The following CAMK2D variants were observed in gnomAD, a reference collection of about 807,000 sequenced individuals.
The protein encoded by CAMK2D is calcium/calmodulin-dependent protein kinase type II subunit delta.
In CAMK2D, 37 loss-of-function variants were observed where a neutral mutation model predicts 84.0. The ratio of observed to expected loss-of-function variants is 0.44; its 90% CI spans 0.34 to 0.58. The LOEUF (loss-of-function observed/expected upper bound fraction) is 0.58, where lower values mean the gene tolerates loss of function less well. Ranked by LOEUF, CAMK2D falls within the 20% of genes least tolerant of loss-of-function variation. The pLI is 0.02. For synonymous variants in CAMK2D, 202 were observed against 212.5 expected (o/e 0.95, Z 0.43); for missense variants, 448 against 652.5 (o/e 0.69, Z 3.41).
intron 15 of CAMK2D, among the ~76,000 whole-genome samples, chr4:113,500,826 A>G (rs1007499864): frequency 6.6e-6 from 1 of 152,130 alleles, no homozygotes; most frequent in Non-Finnish European, 1.5e-5. Context: ...ACAGTGCCCT[A>G]TAAGGTTTGC....
At chr4:113,502,867 A>T (rs1454740519) in intron 15 of CAMK2D, 69 bp downstream of exon 15, 2 of 1,095,426 alleles carry the variant, frequency 1.8e-6, no homozygotes, top group East Asian at 2.4e-5. Context: ...TAACGAATTA[A>T]TTTTTTTGAA....
At chr4:113,489,386 G>T (rs555024885) in intron 16 of CAMK2D, among the ~76,000 whole-genome samples, 4 of 98,622 alleles carry the variant, frequency 4.1e-5, no homozygotes, top group African/African-American at 1.4e-4. Context: ...GAGAATATGC[G>T]GTGTTTGGTT....
chr4:113,467,005 T>C (rs1196059756), intron 16 of CAMK2D, among the ~76,000 whole-genome samples: 1 of 152,362 alleles, frequency 6.6e-6, no homozygotes, highest in Admixed American at 6.5e-5. Flanking sequence ...TTTTATGGAA[T>C]AGATGCTCAA....
chr4:113,481,552 T>C (rs2097701422), intron 16 of CAMK2D, among the ~76,000 whole-genome samples: 1 of 152,196 alleles, frequency 6.6e-6, no homozygotes, highest in Non-Finnish European at 1.5e-5. Context: ...CCATCTCAGT[T>C]CACTGCAACC....
chr4:113,605,424 G>GC (rs2098972814), intron 4 of CAMK2D, among the ~76,000 whole-genome samples: 1 of 152,076 alleles, frequency 6.6e-6, no homozygotes, highest in Admixed American at 6.6e-5. Context: ...TAATTCTCAT[G>GC]CCCCAGGCAC....
chr4:113,730,834 T>G (rs995829299), intron 2 of CAMK2D, among the ~76,000 whole-genome samples: 3 of 152,224 alleles, frequency 2.0e-5, no homozygotes, highest in African/African-American at 7.2e-5. Context: ...TTTTTCTACC[T>G]TTGTTTATTT....
chr4:113,532,674 G>A (rs770208537), intron 7 of CAMK2D, among the ~76,000 whole-genome samples: 2 of 152,180 alleles, frequency 1.3e-5, no homozygotes, highest in Non-Finnish European at 2.9e-5. Context: ...CGATGCTAAT[G>A]TCCAGATTAC....
chr4:113,494,684 G>T (rs1022832901), intron 16 of CAMK2D, among the ~76,000 whole-genome samples: 1 of 152,302 alleles, frequency 6.6e-6, no homozygotes, highest in African/African-American at 2.4e-5. Flanking sequence ...CGAGCTTCCC[G>T]GCTGCTTTGT....
chr4:113,700,558 C>A (rs1253806685), intron 2 of CAMK2D, among the ~76,000 whole-genome samples: 1 of 151,996 alleles, frequency 6.6e-6, no homozygotes, highest in Non-Finnish European at 1.5e-5. Flanking sequence ...TGAGAAAAAA[C>A]AACAAAAATA....
intron 16 of CAMK2D, among the ~76,000 whole-genome samples, chr4:113,498,570 G>A (rs935531140): frequency 6.6e-6 from 1 of 152,060 alleles, no homozygotes; most frequent in African/African-American, 2.4e-5. Context: ...CGATCAACTG[G>A]ACATTTCTTT....
At chr4:113,625,879 A>T (rs1414364407) in intron 3 of CAMK2D, among the ~76,000 whole-genome samples, 1 of 151,858 alleles carries the variant, frequency 6.6e-6, no homozygotes, top group African/African-American at 2.4e-5. Context: ...TGCATGTAAA[A>T]AGTCAGGTGA....
intron 2 of CAMK2D, among the ~76,000 whole-genome samples, chr4:113,747,945 A>T (rs1260952902): frequency 6.6e-6 from 1 of 152,116 alleles, no homozygotes; most frequent in South Asian, 2.1e-4. Flanking sequence ...GCTTTTCTCA[A>T]GTTCAGTCTT....
intron 4 of CAMK2D, among the ~76,000 whole-genome samples, chr4:113,566,139 A>G (rs1591318589): frequency 6.6e-6 from 1 of 152,186 alleles, no homozygotes; most frequent in East Asian, 1.9e-4. Context: ...TCCCTTTTTC[A>G]CAATGGAAAG....
At chr4:113,722,836 C>T (rs1304233395) in intron 2 of CAMK2D, among the ~76,000 whole-genome samples, 1 of 152,062 alleles carries the variant, frequency 6.6e-6, no homozygotes, top group Non-Finnish European at 1.5e-5. Flanking sequence ...ATACATTCTT[C>T]CCAAATTTAT....
At chr4:113,680,824 T>C (rs1288790564) in intron 2 of CAMK2D, among the ~76,000 whole-genome samples, 2 of 152,098 alleles carry the variant, frequency 1.3e-5, no homozygotes, top group African/African-American at 4.8e-5. Context: ...TAGACACAAA[T>C]GAAGGCATTT....
chr4:113,673,327 C>T (rs557520038), intron 2 of CAMK2D, among the ~76,000 whole-genome samples: 83 of 152,328 alleles, frequency 5.4e-4, no homozygotes, highest in Non-Finnish European at 1.1e-3. Flanking sequence ...GCCTAGAGGA[C>T]TCCATTGTGA....
chr4:113,589,781 C>G (rs1259943212), intron 4 of CAMK2D, among the ~76,000 whole-genome samples: 2 of 152,034 alleles, frequency 1.3e-5, no homozygotes, highest in Admixed American at 1.3e-4. Context: ...ATTTGGATAT[C>G]ATTAGCTTAT....
At chr4:113,614,590 A>G (rs564619532) in intron 3 of CAMK2D, among the ~76,000 whole-genome samples, 5 of 152,310 alleles carry the variant, frequency 3.3e-5, no homozygotes, top group East Asian at 1.9e-4. Flanking sequence ...TAATTCTGAC[A>G]TTCTATTACT....
chr4:113,697,023 T>C (rs1258029588), intron 2 of CAMK2D, among the ~76,000 whole-genome samples: 1 of 152,090 alleles, frequency 6.6e-6, no homozygotes, highest in East Asian at 1.9e-4. Flanking sequence ...TGTCCCTCAA[T>C]GTCCAAGGAG....
Sources: gnomAD v4.1 joint callset for allele counts (sites outside exome capture counted in the v4.1 genomes callset) on GRCh38, gnomAD v4.1.1 for gene constraint, MANE v1.5 for transcripts, NCBI Gene and HGNC (gene_info 2026-07-23, HGNC 2026-07-21) for gene names.